COL17A1: variants seen among roughly 807,000 people sequenced by gnomAD.
The protein encoded by COL17A1 is collagen type XVII alpha 1 chain, also known as collagen alpha-1(XVII) chain.
In COL17A1, 181 loss-of-function variants were observed where a neutral mutation model predicts 218.4. The observed-to-expected ratio is 0.83, with a 90% CI of 0.73 to 0.94. COL17A1 has a LOEUF of 0.94. Ranked by LOEUF, COL17A1 falls within the 40% of genes least tolerant of loss-of-function variation. The pLI is 0.00. For missense variants in COL17A1, 1,924 were observed against 1,945.9 expected, an observed-to-expected ratio of 0.99 and a Z score of 0.21; for synonymous variants, 721 against 731.0, an observed-to-expected ratio of 0.99 and a Z score of 0.22.
intron 12 of COL17A1, 133 bp downstream of exon 12, chr10:104,062,125 T>C (rs1485220617): frequency 7.4e-7 from 1 of 1,352,384 alleles, no homozygotes; most frequent in Non-Finnish European, 1.0e-6. Context: ...AAGATTGATA[T>C]CTTGAGTGTT....
intron 23 of COL17A1, among the ~76,000 whole-genome samples, chr10:104,052,637 C>T (rs1169522896): frequency 1.3e-5 from 2 of 152,138 alleles, no homozygotes; most frequent in Admixed American, 1.3e-4. Context: ...CCTTCCCCAC[C>T]TCCCTCTTGG....
intron 52 of COL17A1, 65 bp downstream of exon 52, chr10:104,033,880 A>C (rs1026349759): frequency 6.2e-7 from 1 of 1,608,708 alleles, no homozygotes; most frequent in Non-Finnish European, 8.5e-7. Context: ...CAAACAAGAA[A>C]GCCAGTCTGG....
At chr10:104,059,782 T>A in intron 14 of COL17A1, 64 bp from the exon 15 acceptor site, 1 of 1,530,080 alleles carries the variant, frequency 6.5e-7, no homozygotes, top group Non-Finnish European at 9.0e-7. Flanking sequence ...CTGTCCTGTG[T>A]TCCCCCCGCC....
In COL17A1 at chr10:104,072,145, AACTCCTAGC is replaced by A. The variant is rs2086674817; in HGVS notation, c.416-75_416-67del. ...GCTTAGATCACAATCCCTGACACTG[AACTCCTAGC>A]AGCAGATGGCCCTTTAGGCTGCTCT... is the stretch of plus-strand genomic sequence containing the variant. On this transcript the variant is annotated intron_variant, in intron 7 of 55. Coordinates refer to ENST00000648076, the MANE Select transcript of COL17A1 (RefSeq NM_000494.4). 50 of 1,607,686 alleles carry A rather than the reference AACTCCTAGC, an allele frequency of 3.1e-5. 2 individuals are homozygous for A. The South Asian group carries it at 5.2e-4, about 17-fold the overall frequency.
At position 104,035,271 on chromosome 10, in the gene COL17A1, T is replaced by A; in HGVS notation, c.3611A>T (p.Tyr1204Phe). The stretch of plus-strand genomic sequence containing the variant: ...ACTCCACAGTGCCCTACTATGTAAG[T>A]AAGACGAGAGGTCCTCCACGCTGAT... ...SSISVEDLSS[Y>F]LHTAGLSFIP... is the part of the protein sequence containing the mutation. The change falls in exon 50 of 56, where the codon TAC (tyrosine) becomes TTC (phenylalanine). Residue 1204 changes from tyrosine (Y) to phenylalanine (F), a missense_variant. Transcript: ENST00000648076. The A allele has an allele frequency of 6.2e-7, 1 of 1,613,496 alleles. No homozygotes were observed. The highest frequency in any genetic ancestry group is 1.7e-5 in the Admixed American group (1 of 59,980).
At chr10:104,059,895 C>T (rs966240637) in intron 14 of COL17A1, among the ~76,000 whole-genome samples, 177 bp from the exon 15 acceptor site, 4 of 152,152 alleles carry the variant, frequency 2.6e-5, no homozygotes, top group African/African-American at 9.7e-5. Flanking sequence ...GTTAGACTTG[C>T]TGTCGCCCAA....
At chr10:104,082,825 A>G (rs1282315752) in intron 1 of COL17A1, among the ~76,000 whole-genome samples, 2 of 152,220 alleles carry the variant, frequency 1.3e-5, no homozygotes, top group South Asian at 2.1e-4. Flanking sequence ...CTGAATCCCA[A>G]TGACAAAGCC....
intron 20 of COL17A1, 83 bp from the exon 21 acceptor site, chr10:104,054,201 T>C (rs903584789): frequency 1.4e-6 from 2 of 1,448,594 alleles, no homozygotes; most frequent in Non-Finnish European, 1.9e-6. Context: ...GGGATTCAGG[T>C]AGGGTTGCCA....
At chr10:104,072,379 A>G (rs909646084) in intron 7 of COL17A1, among the ~76,000 whole-genome samples, 6 of 152,150 alleles carry the variant, frequency 3.9e-5, no homozygotes, top group Non-Finnish European at 7.3e-5. Context: ...TTTCCCCATC[A>G]TCCACCTCAT....
chr10:104,070,285 G>T, intron 9 of COL17A1, 141 bp downstream of exon 9: 1 of 1,520,366 alleles, frequency 6.6e-7, no homozygotes, highest in Non-Finnish European at 8.9e-7. Flanking sequence ...GGAAAGCCCT[G>T]TGCTAGCTGG....
intron 35 of COL17A1, among the ~76,000 whole-genome samples, chr10:104,043,092 G>T (rs2086376255): frequency 6.6e-6 from 1 of 152,100 alleles, no homozygotes; most frequent in African/African-American, 2.4e-5. Context: ...TAGCATTTTT[G>T]TTGCCCTGGA....
Position 104,058,190 on chromosome 10 carries a change from C to G in COL17A1, c.1223G>C (p.Gly408Ala). Residue 408 changes from glycine (G) to alanine (A), a missense_variant and splice_region_variant, in exon 16 of 56, where the codon GGA becomes GCA. By Grantham distance (60) the Gly-to-Ala change is moderately conservative. Coordinates refer to ENST00000648076, the MANE Select transcript of COL17A1 (RefSeq NM_000494.4). ...CTTTGTGGACACAGTCTTCAGGTCT[C>G]CTGAAAGGACAAACAGATTGACCTG... Reference protein sequence around the residue: ...ADSGLKAEANGDLKTVSTKGK... With the variant: ...ADSGLKAEANADLKTVSTKGK... 6.2e-7 allele frequency: 1 copy of G among 1,614,188 alleles called. No individual in the cohort carries two copies. Among genetic ancestry groups the G allele is most frequent in the East Asian group, 2.2e-5 (1 of 44,878 alleles).
intron 1 of COL17A1, among the ~76,000 whole-genome samples, chr10:104,082,781 CAT>C: frequency 6.6e-6 from 1 of 152,210 alleles, no homozygotes; most frequent in African/African-American, 2.4e-5. Context: ...TTATCCAAAA[CAT>C]AGCAGGCATT....
chr10:104,054,773 G>A (rs371446770), intron 20 of COL17A1, among the ~76,000 whole-genome samples: 43 of 152,230 alleles, frequency 2.8e-4, no homozygotes, highest in African/African-American at 9.2e-4. Flanking sequence ...AGGGAAGCTC[G>A]CCAATCCCGG....
chr10:104,038,567 C>T (rs867381235), intron 44 of COL17A1, 39 bp from the exon 45 acceptor site: 24 of 1,604,246 alleles, frequency 1.5e-5, no homozygotes, highest in Non-Finnish European at 1.5e-5. Context: ...GGTTTCTCCA[C>T]CCTAGGGTCA....
chr10:104,047,290 G>A (rs1331128770), intron 31 of COL17A1, among the ~76,000 whole-genome samples: 1 of 151,936 alleles, frequency 6.6e-6, no homozygotes, highest in Non-Finnish European at 1.5e-5. Flanking sequence ...CTTCCTCCTC[G>A]GCCTCGTGGG....
chr10:104,060,979 G>C (rs566021494), intron 13 of COL17A1, among the ~76,000 whole-genome samples: 2 of 152,306 alleles, frequency 1.3e-5, no homozygotes, highest in East Asian at 3.9e-4. Context: ...TAGAACAATG[G>C]AGGAAACAGC....
intron 44 of COL17A1, 79 bp from the exon 45 acceptor site, chr10:104,038,607 G>A (rs2086326874): frequency 6.4e-7 from 1 of 1,567,102 alleles, no homozygotes. Context: ...AGCTTCCATG[G>A]TCTGAGGAGG....
In COL17A1 at chr10:104,034,769, T is replaced by A. The variant is rs2086258797; in HGVS notation, c.3620-2A>T. ...CTGGGATGAATGACAAGCCGGCAGC[T>A]GGGCAGAAGGAAGAGAAAGAAAGGT... On this transcript the variant is annotated splice_acceptor_variant, in intron 50 of 55. Coordinates refer to ENST00000648076, the MANE Select transcript of COL17A1 (RefSeq NM_000494.4). LOFTEE classifies it high-confidence loss of function. 1.2e-6 allele frequency: 2 copies of A among 1,612,130 alleles called. No homozygotes were observed. Among genetic ancestry groups the A allele is most frequent in the Non-Finnish European group, 1.7e-6 (2 of 1,179,696 alleles).
Sources: gnomAD v4.1 joint callset for allele counts (sites outside exome capture counted in the v4.1 genomes callset) on GRCh38, gnomAD v4.1.1 for gene constraint, MANE v1.5 for transcripts, NCBI Gene and HGNC (gene_info 2026-07-23, HGNC 2026-07-21) for gene names.